The following ZNF654 variants were observed in gnomAD, a reference collection of about 807,000 sequenced individuals.
ZNF654 encodes melanoma-associated antigen.
In ZNF654, 19 loss-of-function variants were observed where a neutral mutation model predicts 95.3. That is an observed-to-expected ratio of 0.20 (90% confidence interval 0.14 to 0.29). ZNF654 has a LOEUF of 0.29. Ranked by LOEUF, ZNF654 falls within the 10% of genes least tolerant of loss-of-function variation. ZNF654 has a pLI of 1.00. For synonymous variants in ZNF654, 413 were observed against 457.9 expected (o/e 0.90, Z 1.25); for missense variants, 1,046 against 1,341.0 (o/e 0.78, Z 3.44).
At chr3:88,137,741 G>A (rs963364009) in intron 7 of ZNF654, among the ~76,000 whole-genome samples, 10 of 152,122 alleles carry the variant, frequency 6.6e-5, no homozygotes, top group African/African-American at 2.4e-4. Context: ...GCTGGATAAA[G>A]TGAAAATCGG....
In ZNF654 at chr3:88,140,557, T is replaced by C. The variant is rs765439537; in HGVS notation, c.2888T>C (p.Ile963Thr). The change falls in exon 8 of 9, where the codon ATA (isoleucine) becomes ACA (threonine). Residue 963 changes from isoleucine (I) to threonine (T), a missense_variant. Around this residue, in one of 9 missense-constraint regions of ZNF654, gnomAD observed 495 missense variants for 537.0 expected, o/e 0.92. Coordinates refer to ENST00000636215, the MANE Select transcript of ZNF654 (RefSeq NM_001350134.2). ...TTGATAGACCAAAAGATGCCTGACA[T>C]AGAGCCAAATTCTGAAAATAATTGT... The part of the protein sequence containing the change: ...ISLIDQKMPD[I>T]EPNSENNCSS... 8.1e-6 allele frequency: 13 copies of C among 1,613,596 alleles called. No homozygotes were observed. Among genetic ancestry groups the C allele is most frequent in the Non-Finnish European group, 1.0e-5 (12 of 1,179,734 alleles).
intron 2 of ZNF654, chr3:88,095,464 A>G (rs1216298537): frequency 5.2e-6 from 2 of 388,346 alleles, no homozygotes; most frequent in East Asian, 8.2e-5. Flanking sequence ...TACGCATGCA[A>G]CATCAGTCTC....
chr3:88,135,821 G>C (rs540725985), intron 7 of ZNF654, among the ~76,000 whole-genome samples: 1 of 151,860 alleles, frequency 6.6e-6, no homozygotes, highest in Non-Finnish European at 1.5e-5. Flanking sequence ...ATAAGACTTC[G>C]AGTATAAAGA....
rs1167394782 is a variant in ZNF654, at chr3:88,143,791, T to C, written c.*2139T>C. On this transcript the variant is annotated 3_prime_UTR_variant, in exon 9 of 9. Transcript: ENST00000636215. The stretch of plus-strand genomic sequence containing the variant: ...TTATATATAACTAAATCAAGGAATG[T>C]TTTATAAAATTCTATTTGACCACAC... 5 of 151,974 alleles carry C rather than the reference T, an allele frequency of 3.3e-5. No homozygotes were observed. The highest frequency in any genetic ancestry group is 7.4e-5 in the Non-Finnish European group (5 of 67,782). 9.4% of individuals were successfully genotyped at this position (151,974 alleles called of 1,614,324 possible). A position where few individuals can be genotyped will look rare whatever the true frequency, so the allele number is the denominator to read the frequency against.
At chr3:88,115,068 T>C (rs971857495) in intron 3 of ZNF654, among the ~76,000 whole-genome samples, 6 of 152,204 alleles carry the variant, frequency 3.9e-5, no homozygotes, top group Non-Finnish European at 8.8e-5. Context: ...TCGTCTCCCA[T>C]AAGTAGGACA....
chr3:88,126,907 C>G (rs1034786500), intron 4 of ZNF654, among the ~76,000 whole-genome samples: 2 of 152,136 alleles, frequency 1.3e-5, no homozygotes, highest in Non-Finnish European at 2.9e-5. Context: ...CTGCATATTT[C>G]TTTGATATCA....
chr3:88,074,744 C>T (rs1694345822), intron 1 of ZNF654, among the ~76,000 whole-genome samples: 1 of 152,146 alleles, frequency 6.6e-6, no homozygotes, highest in African/African-American at 2.4e-5. Context: ...ATATTTCTGT[C>T]AACTATACTA....
In ZNF654 at chr3:88,139,865, C is replaced by T; in HGVS notation, c.2196C>T (p.Cys732=). Residue 732 remains cysteine, a synonymous_variant, in exon 8 of 9, where the codon TGC becomes TGT. Transcript: ENST00000636215. ...SVIHKINGTV[C]HPKDIYATDQ... The stretch of plus-strand genomic sequence containing the variant: ...TTCATAAAATCAATGGAACTGTGTG[C>T]CATCCAAAAGACATATATGCCACAG... 2 of 1,603,644 alleles carry T rather than the reference C, an allele frequency of 1.2e-6. No individual in the cohort carries two copies. The highest frequency in any genetic ancestry group is 1.7e-6 in the Non-Finnish European group (2 of 1,174,586).
At chr3:88,080,672 A>T (rs1203889829) in intron 1 of ZNF654, among the ~76,000 whole-genome samples, 1 of 152,118 alleles carries the variant, frequency 6.6e-6, no homozygotes, top group Admixed American at 6.5e-5. Flanking sequence ...TCTTAACCAT[A>T]ATACCTACAG....
At chr3:88,076,116 C>T (rs1707789102) in intron 1 of ZNF654, among the ~76,000 whole-genome samples, 1 of 152,146 alleles carries the variant, frequency 6.6e-6, no homozygotes, top group African/African-American at 2.4e-5. Flanking sequence ...GGTAATCTCC[C>T]TGCTTTTTAA....
At chr3:88,097,688 C>G (rs1386545593) in intron 2 of ZNF654, among the ~76,000 whole-genome samples, 10 of 152,154 alleles carry the variant, frequency 6.6e-5, no homozygotes, top group African/African-American at 2.4e-4. Context: ...TCACTCAAAA[C>G]CGCTCAACTA....
At chr3:88,068,471 A>C (rs747130934) in intron 1 of ZNF654, among the ~76,000 whole-genome samples, 2 of 152,156 alleles carry the variant, frequency 1.3e-5, no homozygotes, top group Non-Finnish European at 2.9e-5. Flanking sequence ...GTCATAACAA[A>C]ACATGTACAG....
At chr3:88,075,264 C>T (rs1448182100) in intron 1 of ZNF654, among the ~76,000 whole-genome samples, 1 of 152,220 alleles carries the variant, frequency 6.6e-6, no homozygotes, top group African/African-American at 2.4e-5. Context: ...GTTTGTAACG[C>T]TTCAAGCATA....
At chr3:88,063,291 G>A (rs186307455) in intron 1 of ZNF654, among the ~76,000 whole-genome samples, 15 of 152,176 alleles carry the variant, frequency 9.9e-5, no homozygotes, top group Admixed American at 2.6e-4. Context: ...ACTCTTAGTG[G>A]GTACCTTTTA....
chr3:88,111,852 A>C, intron 2 of ZNF654, among the ~76,000 whole-genome samples: 1 of 151,944 alleles, frequency 6.6e-6, no homozygotes, highest in East Asian at 1.9e-4. Flanking sequence ...TTTTATTTTC[A>C]TAAATATGAG....
chr3:88,081,543 T>G (rs1375568459), intron 1 of ZNF654, among the ~76,000 whole-genome samples: 1 of 152,254 alleles, frequency 6.6e-6, no homozygotes, highest in Non-Finnish European at 1.5e-5. Context: ...CTAACATTTA[T>G]TTAATTATTT....
intron 2 of ZNF654, among the ~76,000 whole-genome samples, chr3:88,094,385 T>G (rs983157172): frequency 1.3e-5 from 2 of 152,132 alleles, no homozygotes; most frequent in African/African-American, 4.8e-5. Context: ...GGACTATAGT[T>G]GTTTTATGAG....
chr3:88,094,748 G>T (rs1703956958), intron 2 of ZNF654, among the ~76,000 whole-genome samples: 1 of 151,982 alleles, frequency 6.6e-6, no homozygotes, highest in Non-Finnish European at 1.5e-5. Context: ...GCTTAATCTT[G>T]TGCTAAGTCA....
intron 1 of ZNF654, among the ~76,000 whole-genome samples, chr3:88,064,818 A>G (rs1223553488): frequency 1.3e-5 from 2 of 152,226 alleles, no homozygotes; most frequent in Non-Finnish European, 1.5e-5. Flanking sequence ...ATGTGGTTCA[A>G]TCTGTCACAT....
Sources: allele counts gnomAD v4.1 joint callset (sites outside exome capture counted in the v4.1 genomes callset), GRCh38; gene constraint gnomAD v4.1.1; regional missense constraint gnomAD v4.1.1; transcripts MANE v1.5; gene names NCBI Gene and HGNC (gene_info 2026-07-23, HGNC 2026-07-21).